Variants in CCN6 observed in about 807,000 individuals in gnomAD.
CCN6 encodes cellular communication network factor 6.
A neutral mutation model predicts 37.4 loss-of-function variants in CCN6; 31 were observed. That is an observed-to-expected ratio of 0.83 (90% CI 0.62 to 1.12). The LOEUF (loss-of-function observed/expected upper bound fraction) is 1.12, where lower values mean the gene tolerates loss of function less well. CCN6 is among the 50% of genes most tolerant of loss of function. The pLI is 0.00. For missense variants in CCN6, 369 were observed against 413.8 expected (o/e 0.89, Z 0.94); for synonymous variants, 137 against 142.1 (o/e 0.96, Z 0.26).
At chr6:112,062,456 C>T (rs1776556056) in intron 2 of CCN6, among the ~76,000 whole-genome samples, 1 of 152,156 alleles carries the variant, frequency 6.6e-6, no homozygotes, top group Non-Finnish European at 1.5e-5. Context: ...CAACTGAGGA[C>T]ACGACAGGAA....
At chr6:112,063,525 T>TA (rs1175482586) in intron 2 of CCN6, among the ~76,000 whole-genome samples, 4 of 152,050 alleles carry the variant, frequency 2.6e-5, no homozygotes, top group East Asian at 1.9e-4. Context: ...ATGTAATATC[T>TA]AAAAAAAATC....
chr6:112,057,248 C>T (rs782698307), intron 1 of CCN6, among the ~76,000 whole-genome samples: 5 of 152,190 alleles, frequency 3.3e-5, no homozygotes, highest in African/African-American at 9.7e-5. Context: ...GGATAACTGG[C>T]TCAGAAGTTT....
Position 112,054,163 on chromosome 6 carries a change from T to C in CCN6, c.-195T>C. ...GGTTATTAGAAGAGTCCCATGAAAG[T>C]AAACAGGGTATTAAAACGGATCCTT... On this transcript the variant is annotated 5_prime_UTR_variant, in exon 1 of 5. Transcript: ENST00000368666. The C allele has an allele frequency of 1.2e-6, 1 of 818,536 alleles. No homozygotes were observed. 50.7% of individuals were successfully genotyped at this position (818,536 alleles called of 1,614,324 possible).
At chr6:112,066,824 C>A in intron 3 of CCN6, 1 of 528,576 alleles carries the variant, frequency 1.9e-6, no homozygotes, top group Non-Finnish European at 3.0e-6. Context: ...TTTTTCAATG[C>A]TCACCAAACA....
chr6:112,069,676 T>G lies in CCN6; in HGVS notation c.*56T>G. 1 of 1,599,154 alleles carries G rather than the reference T, an allele frequency of 6.3e-7. No individual in the cohort carries two copies. The highest frequency in any genetic ancestry group is 2.2e-5 in the East Asian group (1 of 44,706). On this transcript the variant is annotated 3_prime_UTR_variant, in exon 5 of 5. Coordinates refer to ENST00000368666, the MANE Select transcript of CCN6 (RefSeq NM_198239.2). ...TCCTGTCATATAATAAAAAAATTAG[T>G]GAGTATAAAATGGTGGCAAATCTAC...
intron 2 of CCN6, among the ~76,000 whole-genome samples, chr6:112,063,583 A>C (rs1229069050): frequency 1.3e-5 from 2 of 152,234 alleles, no homozygotes; most frequent in African/African-American, 4.8e-5. Context: ...GGATAAATAT[A>C]AAGTTTTCAG....
At chr6:112,052,822 T>C (rs587654014), upstream of CCN6, among the ~76,000 whole-genome samples, 1 of 152,300 alleles carries the variant, frequency 6.6e-6, no homozygotes, top group East Asian at 1.9e-4. Flanking sequence ...ACTTACAGTT[T>C]AATGACTCCT....
At chr6:112,065,649 C>CAA (rs1776675487) in intron 3 of CCN6, among the ~76,000 whole-genome samples, 1 of 151,728 alleles carries the variant, frequency 6.6e-6, no homozygotes, top group Non-Finnish European at 1.5e-5. Context: ...CACACAAACA[C>CAA]ACACATGCAC....
At chr6:112,057,088 G>A (rs781898937) in intron 1 of CCN6, among the ~76,000 whole-genome samples, 17 of 152,188 alleles carry the variant, frequency 1.1e-4, no homozygotes, top group Non-Finnish European at 2.4e-4. Flanking sequence ...AGAGGCATCC[G>A]GGGGCAGTTT....
At chr6:112,059,971 A>G in intron 1 of CCN6, 1 of 1,354,730 alleles carries the variant, frequency 7.4e-7, no homozygotes, top group South Asian at 1.2e-5. Context: ...GGCCTCACTG[A>G]GAAATTTGAG....
intron 1 of CCN6, among the ~76,000 whole-genome samples, chr6:112,055,678 C>T (rs1466989654): frequency 1.3e-5 from 2 of 152,106 alleles, no homozygotes; most frequent in Non-Finnish European, 2.9e-5. Flanking sequence ...GCAACCTCCA[C>T]CTCCTGGGTT....
intron 1 of CCN6, among the ~76,000 whole-genome samples, chr6:112,055,176 T>C (rs782530945): frequency 3.3e-5 from 5 of 152,216 alleles, no homozygotes; most frequent in African/African-American, 4.8e-5. Flanking sequence ...AAGTAGTAGA[T>C]ACATCTTAGA....
chr6:112,061,637 G>A (rs886381535), intron 2 of CCN6, among the ~76,000 whole-genome samples: 9 of 152,034 alleles, frequency 5.9e-5, no homozygotes, highest in African/African-American at 9.7e-5. Flanking sequence ...ATCCGAATTC[G>A]GCCTTTTCTG....
chr6:112,066,226 T>C (rs1776691697), intron 3 of CCN6, among the ~76,000 whole-genome samples: 1 of 152,234 alleles, frequency 6.6e-6, no homozygotes, highest in South Asian at 2.1e-4. Context: ...CATGACACTG[T>C]TAATGCTCTG....
Position 112,064,865 on chromosome 6 carries a change from A to C in CCN6, c.457A>C (p.Thr153Pro), listed in dbSNP as rs1554313593. The C allele has an allele frequency of 6.2e-7, 1 of 1,614,106 alleles. No individual in the cohort carries two copies. Among genetic ancestry groups the C allele is most frequent in the South Asian group, 1.1e-5 (1 of 91,086 alleles). ...CLCVSGAIGCTPLFIPKLAGS... is the reference protein window; with the variant it reads ...CLCVSGAIGCPPLFIPKLAGS... ...CTGTGTGAGTGGGGCCATTGGATGC[A>C]CACCTCTGTTCATACCAAAGCTGGC... Residue 153 changes from threonine to proline, a missense_variant, in exon 3 of 5, where the codon ACA becomes CCA. Coordinates refer to ENST00000368666, the MANE Select transcript of CCN6 (RefSeq NM_198239.2).
In CCN6 at chr6:112,069,564, T is replaced by C. The variant is rs782395830; in HGVS notation, c.1009T>C (p.Cys337Arg). The C allele has an allele frequency of 6.2e-7, 1 of 1,613,758 alleles. No individual in the cohort carries two copies. The highest frequency in any genetic ancestry group is 8.5e-7 in the Non-Finnish European group (1 of 1,179,816). ...WKMLWITSCV[C>R]QRNCREPGDI... ...GATGCTGTGGATTACATCTTGTGTG[T>C]GTCAGAGAAACTGCAGAGAACCTGG... Residue 337 changes from cysteine to arginine, a missense_variant, in exon 5 of 5, where the codon TGT (cysteine) becomes CGT (arginine). By Grantham distance (180) the Cys-to-Arg change is radical. Transcript: ENST00000368666.
chr6:112,065,620 ACGCACG>A (rs1776668432), intron 3 of CCN6, among the ~76,000 whole-genome samples: 6 of 131,036 alleles, frequency 4.6e-5, no homozygotes, highest in African/African-American at 6.0e-5. Flanking sequence ...GCACACACAC[ACGCACG>A]CACACACACA....
chr6:112,060,321 A>G (rs1239372016), intron 1 of CCN6, among the ~76,000 whole-genome samples: 3 of 152,228 alleles, frequency 2.0e-5, no homozygotes, highest in Non-Finnish European at 4.4e-5. Flanking sequence ...CAAGTGAACA[A>G]TGATGACTTG....
chr6:112,054,630 C>T, intron 1 of CCN6: 1 of 549,774 alleles, frequency 1.8e-6, no homozygotes, highest in East Asian at 3.3e-5. Context: ...CAGGTAATGG[C>T]ACCGAAGCCT....
Sources: allele counts gnomAD v4.1 joint callset (sites outside exome capture counted in the v4.1 genomes callset), GRCh38; gene constraint gnomAD v4.1.1; transcripts MANE v1.5; gene names NCBI Gene and HGNC (gene_info 2026-07-23, HGNC 2026-07-21).